The following SORCS2 variants were observed in gnomAD, a reference collection of about 807,000 sequenced individuals.
SORCS2 encodes VPS10 domain-containing receptor SorCS2.
SORCS2 carries 100 observed loss-of-function variants against 141.6 expected under a neutral mutation model. The ratio of observed to expected loss-of-function variants is 0.71; its 90% CI spans 0.60 to 0.83. SORCS2 has a LOEUF of 0.83. SORCS2 is among the 40% of genes least tolerant of loss of function. The pLI is 0.00. For synonymous variants in SORCS2, 789 were observed against 676.9 expected, an observed-to-expected ratio of 1.17 and a Z score of -2.57; for missense variants, 1,646 against 1,560.2, an observed-to-expected ratio of 1.05 and a Z score of -0.93.
At chr4:7,276,408 G>A (rs1010348174) in intron 1 of SORCS2, among the ~76,000 whole-genome samples, 10 of 152,198 alleles carry the variant, frequency 6.6e-5, no homozygotes, top group South Asian at 2.1e-4. Context: ...TGGGGCAGGC[G>A]TCCTTCCACT....
intron 1 of SORCS2, among the ~76,000 whole-genome samples, chr4:7,311,568 G>A (rs527752971): frequency 2.0e-5 from 3 of 152,298 alleles, no homozygotes; most frequent in Admixed American, 1.3e-4. Context: ...CTTTAGAGTC[G>A]TGTTTTTAGT....
intron 1 of SORCS2, among the ~76,000 whole-genome samples, chr4:7,311,975 A>G (rs1280506201): frequency 6.6e-6 from 1 of 152,102 alleles, no homozygotes; most frequent in Admixed American, 6.6e-5. Context: ...TCCTGGGTTC[A>G]AGTGATTCTC....
chr4:7,704,865 A>G (rs1449192682), intron 14 of SORCS2, among the ~76,000 whole-genome samples: 1 of 152,156 alleles, frequency 6.6e-6, no homozygotes, highest in Non-Finnish European at 1.5e-5. Context: ...GGTGCCCTCG[A>G]ACATGGGCCC....
intron 4 of SORCS2, among the ~76,000 whole-genome samples, chr4:7,638,902 C>T (rs1387203616): frequency 6.6e-6 from 1 of 152,224 alleles, no homozygotes; most frequent in Non-Finnish European, 1.5e-5. Flanking sequence ...GTGGAATGTT[C>T]TTCTCCCCTC....
At chr4:7,252,381 C>T (rs764045807) in intron 1 of SORCS2, among the ~76,000 whole-genome samples, 1 of 152,176 alleles carries the variant, frequency 6.6e-6, no homozygotes, top group Admixed American at 6.5e-5. Context: ...CAGGGGCCGG[C>T]AGTGCATGGG....
At chr4:7,540,169 CCCCTCCCT>C (rs1712498222) in intron 3 of SORCS2, among the ~76,000 whole-genome samples, 1 of 2,560 alleles carries the variant, frequency 3.9e-4, no homozygotes, top group Non-Finnish European at 4.3e-3. Context: ...CCTCTCCCTG[CCCCTCCCT>C]GCCCCTCCCT....
At chr4:7,700,069 C>T (rs986823664) in intron 12 of SORCS2, among the ~76,000 whole-genome samples, 1 of 152,196 alleles carries the variant, frequency 6.6e-6, no homozygotes, top group African/African-American at 2.4e-5. Flanking sequence ...CCGCCCCAGC[C>T]ACGTGCTTCC....
intron 3 of SORCS2, among the ~76,000 whole-genome samples, chr4:7,574,406 C>A (rs1715608627): frequency 6.6e-6 from 1 of 152,222 alleles, no homozygotes; most frequent in South Asian, 2.1e-4. Context: ...TGTTTACAGC[C>A]ATGTCTTAGA....
At position 7,285,021 on chromosome 4, in the gene SORCS2, C is replaced by CAT. The variant is rs900055455; in HGVS notation, c.480+91910_480+91911dup. Among the ~76,000 whole-genome samples, 202 of 141,954 alleles carry CAT rather than the reference C, an allele frequency of 1.4e-3. 5 individuals carry two copies. Among genetic ancestry groups the CAT allele is most frequent in the East Asian group, 9.9e-3 (49 of 4,950 alleles). The allele number at this position is 141,954 out of a possible 152,430, so 93.1% of individuals were successfully genotyped here. A position where few individuals can be genotyped will look rare whatever the true frequency, so the allele number is the denominator to read the frequency against. ...CCTACCCGCTCACCTGGGACCATCC[C>CAT]ATATATATATATATATTTTTTTTTT... is the stretch of plus-strand genomic sequence containing the variant. On this transcript the variant is annotated intron_variant, in intron 1 of 26. Transcript: ENST00000507866.
intron 8 of SORCS2, among the ~76,000 whole-genome samples, chr4:7,674,350 G>A (rs1406934960): frequency 6.6e-6 from 1 of 151,948 alleles, no homozygotes; most frequent in Non-Finnish European, 1.5e-5. Flanking sequence ...GAGGAAGGCG[G>A]ATCACGAGTT....
intron 2 of SORCS2, among the ~76,000 whole-genome samples, chr4:7,408,591 G>A (rs902611714): frequency 6.6e-6 from 1 of 152,056 alleles, no homozygotes; most frequent in African/African-American, 2.4e-5. Flanking sequence ...TCTTGTTTGG[G>A]TTGAATCTGT....
intron 3 of SORCS2, among the ~76,000 whole-genome samples, chr4:7,598,514 A>T (rs1262254284): frequency 6.6e-6 from 1 of 152,130 alleles, no homozygotes; most frequent in Non-Finnish European, 1.5e-5. Context: ...CACATGTGGG[A>T]AACTCCTCCT....
chr4:7,196,762 C>T (rs769322758), intron 1 of SORCS2, among the ~76,000 whole-genome samples: 1 of 152,104 alleles, frequency 6.6e-6, no homozygotes, highest in South Asian at 2.1e-4. Context: ...ACTCTCTGTT[C>T]TGCAATCTTG....
At chr4:7,562,032 G>C (rs1430617867) in intron 3 of SORCS2, among the ~76,000 whole-genome samples, 1 of 152,246 alleles carries the variant, frequency 6.6e-6, no homozygotes. Context: ...ACAAAGCACT[G>C]TGGTGGTTAC....
At chr4:7,699,800 G>A (rs1027992014) in intron 12 of SORCS2, among the ~76,000 whole-genome samples, 1 of 152,146 alleles carries the variant, frequency 6.6e-6, no homozygotes, top group Non-Finnish European at 1.5e-5. Flanking sequence ...AGGGAGACTC[G>A]CTTCTCCTCA....
At chr4:7,404,078 G>C (rs1225039090) in intron 2 of SORCS2, among the ~76,000 whole-genome samples, 1 of 148,340 alleles carries the variant, frequency 6.7e-6, no homozygotes, top group African/African-American at 2.5e-5. Flanking sequence ...TTTATTTCTG[G>C]GTTCTACGTT....
chr4:7,466,423 A>G (rs937272122), intron 2 of SORCS2, among the ~76,000 whole-genome samples: 6 of 152,170 alleles, frequency 3.9e-5, no homozygotes, highest in Non-Finnish European at 8.8e-5. Flanking sequence ...CGCCCCACTC[A>G]GAGGAGGCTG....
chr4:7,669,111 C>G (rs962033938), intron 8 of SORCS2, among the ~76,000 whole-genome samples: 2 of 152,196 alleles, frequency 1.3e-5, no homozygotes, highest in African/African-American at 4.8e-5. Context: ...GCTGTGGACC[C>G]TTGACAGTGT....
intron 3 of SORCS2, among the ~76,000 whole-genome samples, chr4:7,582,290 C>T (rs535641686): frequency 2.0e-5 from 3 of 152,300 alleles, no homozygotes; most frequent in South Asian, 2.1e-4. Context: ...GGATGTCTGA[C>T]GACAAAGGCC....
Sources: gnomAD v4.1 joint callset for allele counts (sites outside exome capture counted in the v4.1 genomes callset) on GRCh38, gnomAD v4.1.1 for gene constraint, MANE v1.5 for transcripts, NCBI Gene and HGNC (gene_info 2026-07-23, HGNC 2026-07-21) for gene names.